The following SEMA4F variants were observed in gnomAD, a reference collection of about 807,000 sequenced individuals.
SEMA4F encodes the protein semaphorin-4F.
SEMA4F carries 51 observed loss-of-function variants against 78.4 expected under a neutral mutation model. That is an observed-to-expected ratio of 0.65 (90% confidence interval 0.52 to 0.82). The LOEUF is 0.82. Ranked by LOEUF, SEMA4F falls within the 40% of genes least tolerant of loss-of-function variation. SEMA4F has a pLI of 0.00. For synonymous variants in SEMA4F, 418 were observed against 408.7 expected (o/e 1.02, Z -0.27); for missense variants, 938 against 1,014.4 (o/e 0.92, Z 1.02).
chr2:74,707,670 G>C, the SEMA4F span, among the ~76,000 whole-genome samples: 1 of 152,176 alleles, frequency 6.6e-6, no homozygotes, highest in East Asian at 1.9e-4. Flanking sequence ...ACAAATGACA[G>C]TGATTCCTGG....
chr2:74,668,464 AT>A (rs200988755), intron 5 of SEMA4F, among the ~76,000 whole-genome samples: 50 of 151,570 alleles, frequency 3.3e-4, no homozygotes, highest in East Asian at 5.8e-4. Flanking sequence ...GGCTTAAAGA[AT>A]TTTTTTTTTA....
the SEMA4F span, among the ~76,000 whole-genome samples, chr2:74,691,071 G>A: frequency 6.6e-6 from 1 of 152,178 alleles, no homozygotes; most frequent in African/African-American, 2.4e-5. Flanking sequence ...TGAGGAAGGC[G>A]AAGTTCATTA....
At chr2:74,692,828 C>T in the SEMA4F span, among the ~76,000 whole-genome samples, 1 of 152,214 alleles carries the variant, frequency 6.6e-6, no homozygotes, top group South Asian at 2.1e-4. Flanking sequence ...AGGTCACAAA[C>T]ACTAGCCACT....
downstream of SEMA4F, among the ~76,000 whole-genome samples, chr2:74,688,568 C>G (rs1685864040): frequency 6.6e-6 from 1 of 152,132 alleles, no homozygotes; most frequent in Non-Finnish European, 1.5e-5. Context: ...GATGATGTAG[C>G]TTAACATTAA....
chr2:74,666,524 ACT>A (rs1225366065), intron 5 of SEMA4F, among the ~76,000 whole-genome samples: 2 of 152,096 alleles, frequency 1.3e-5, no homozygotes, highest in East Asian at 1.9e-4. Flanking sequence ...TAATGTGGAA[ACT>A]CTATGTCTCT....
chr2:74,687,182 A>C (rs1422495141), downstream of SEMA4F, among the ~76,000 whole-genome samples: 1 of 152,172 alleles, frequency 6.6e-6, no homozygotes, highest in Non-Finnish European at 1.5e-5. Context: ...CAGCCACACC[A>C]ACCTTCATTC....
chr2:74,679,242 A>G (rs1573267465), intron 12 of SEMA4F, 34 bp from the exon 13 acceptor site: 2 of 1,533,222 alleles, frequency 1.3e-6, no homozygotes. Context: ...GGGAATGTTC[A>G]CACTGGATTT....
chr2:74,674,093 C>G (rs1224343446), intron 7 of SEMA4F, among the ~76,000 whole-genome samples: 1 of 152,196 alleles, frequency 6.6e-6, no homozygotes, highest in Non-Finnish European at 1.5e-5. Flanking sequence ...GACAGATAGA[C>G]CAGGGTTCAA....
At chr2:74,657,449 G>A in intron 2 of SEMA4F, 116 bp from the exon 3 acceptor site, 2 of 864,068 alleles carry the variant, frequency 2.3e-6, no homozygotes, top group Non-Finnish European at 1.9e-6. Flanking sequence ...ATGCTCTAGG[G>A]GGACTTTTGA....
the SEMA4F span, among the ~76,000 whole-genome samples, chr2:74,702,136 C>T: frequency 9.4e-4 from 143 of 152,316 alleles, no homozygotes; most frequent in African/African-American, 3.4e-3. Context: ...GTAAGTTTGG[C>T]AGCCCTGAGG....
rs1294536760 is a variant in SEMA4F at position 74,673,579 on chromosome 2, G to A, written c.670+3G>A. ...TACCTTGCCTTCCTGGCTGAACGGT[G>A]GGGAGAGGGAGAGGGGTCCTCTGGG... On this transcript the variant is annotated splice_donor_region_variant and intron_variant, in intron 6 of 13. Transcript: ENST00000357877. The A allele has an allele frequency of 1.2e-6, 2 of 1,614,114 alleles. No individual in the cohort carries two copies. The highest frequency in any genetic ancestry group is 3.3e-5 in the Admixed American group (2 of 60,028).
chr2:74,691,070 C>T, the SEMA4F span, among the ~76,000 whole-genome samples: 45 of 152,236 alleles, frequency 3.0e-4, no homozygotes, highest in Non-Finnish European at 6.0e-4. Flanking sequence ...ATGAGGAAGG[C>T]GAAGTTCATT....
intron 5 of SEMA4F, among the ~76,000 whole-genome samples, chr2:74,666,146 T>A (rs1684688944): frequency 6.6e-6 from 1 of 152,204 alleles, no homozygotes; most frequent in Non-Finnish European, 1.5e-5. Flanking sequence ...GACCTCATGA[T>A]CTGCCTGCCT....
rs1183204208 is a variant in SEMA4F at position 74,657,637 on chromosome 2, C to T, written c.357+13C>T. 8 of 1,613,742 alleles carry T rather than the reference C, an allele frequency of 5.0e-6. No individual in the cohort carries two copies. The highest frequency in any genetic ancestry group is 2.2e-5 in the East Asian group (1 of 44,884). On this transcript the variant is annotated intron_variant, in intron 3 of 13. Coordinates refer to ENST00000357877, the MANE Select transcript of SEMA4F (RefSeq NM_004263.5). ...AGGCAAGAAAGAGGTAGGTGTAAAT[C>T]TGAGCCCTGTCTTGAGTGTCAGTTG... is the stretch of plus-strand genomic sequence containing the variant.
At chr2:74,689,352 G>T in the SEMA4F span, among the ~76,000 whole-genome samples, 1 of 152,156 alleles carries the variant, frequency 6.6e-6, no homozygotes, top group African/African-American at 2.4e-5. Context: ...TGGTGACCTT[G>T]TGTGCTCCCC....
intron 10 of SEMA4F, 41 bp from the exon 11 acceptor site, chr2:74,675,484 G>A (rs367899167): frequency 2.4e-5 from 38 of 1,599,948 alleles, no homozygotes; most frequent in Admixed American, 3.3e-5. Flanking sequence ...CAGGCACAGG[G>A]GCAATTATGT....
chr2:74,681,212 A>G lies in SEMA4F; in HGVS notation c.*1003A>G, dbSNP rs1246126560. 1.3e-5 allele frequency: 2 copies of G among 152,622 alleles called. No individual in the cohort carries two copies. The highest frequency in any genetic ancestry group is 2.9e-5 in the Non-Finnish European group (2 of 68,038). 9.5% of individuals were successfully genotyped at this position (152,622 alleles called of 1,614,324 possible). On this transcript the variant is annotated 3_prime_UTR_variant, in exon 14 of 14. Transcript: ENST00000357877. The stretch of plus-strand genomic sequence containing the variant: ...CGAGCAGTATAAAGATACGTTTGCA[A>G]TCAGTGACTACTCAGGGTGACACCC...
the SEMA4F span, among the ~76,000 whole-genome samples, chr2:74,708,391 G>T: frequency 6.6e-6 from 1 of 152,064 alleles, no homozygotes; most frequent in Admixed American, 6.6e-5. Flanking sequence ...TCCTTGCTGG[G>T]GTGATGTGCC....
Position 74,679,969 on chromosome 2 carries a change from A to G in SEMA4F, c.2073A>G (p.Glu691=), listed in dbSNP as rs1278579383. 6.2e-7 allele frequency: 1 copy of G among 1,614,042 alleles called. No homozygotes were observed. The stretch of plus-strand genomic sequence containing the variant: ...GTCAGCAGCGACGGCGACAGAGGGA[A>G]CTTCTGGCTAGAGACAAGGTGGGCC... The part of the protein sequence containing the change: ...GRRQQRRRQR[E]LLARDKVGLD... Residue 691 remains glutamate (E), a synonymous_variant, in exon 14 of 14, where the codon GAA becomes GAG. Coordinates refer to ENST00000357877, the MANE Select transcript of SEMA4F (RefSeq NM_004263.5).
Sources: gnomAD v4.1 joint callset for allele counts (sites outside exome capture counted in the v4.1 genomes callset) on GRCh38, gnomAD v4.1.1 for gene constraint, MANE v1.5 for transcripts, NCBI Gene and HGNC (gene_info 2026-07-23, HGNC 2026-07-21) for gene names.